ROS1: variants seen among roughly 807,000 people sequenced by gnomAD.
The protein encoded by ROS1 is proto-oncogene tyrosine-protein kinase ROS.
ROS1 carries 263 observed loss-of-function variants against 273.5 expected under a neutral mutation model. The ratio of observed to expected loss-of-function variants is 0.96; its 90% confidence interval spans 0.87 to 1.06. ROS1 has a LOEUF of 1.06. ROS1 is among the 50% of genes least tolerant of loss of function. The pLI is 0.00. For synonymous variants in ROS1, 1,008 were observed against 954.1 expected (o/e 1.06, Z -1.04); for missense variants, 2,833 against 2,751.1 (o/e 1.03, Z -0.67).
rs776060632 is a variant in ROS1, at chr6:117,311,060, T to C, written c.6175A>G (p.Lys2059Glu). ...DLVDLCVDIS[K>E]GCVYLERMHF... ...ATCCGTTCCAAGTAGACACAGCCTT[T>C]TGAAATATCTACACACAGGTCTACA... is the stretch of plus-strand genomic sequence containing the variant. Residue 2059 changes from lysine to glutamate, a missense_variant, in exon 40 of 44, where the codon AAA becomes GAA. By Grantham distance (56) the Lys-to-Glu change is moderately conservative. Transcript: ENST00000368507. 1 of 1,610,854 alleles carries C rather than the reference T, an allele frequency of 6.2e-7. No homozygotes were observed. The highest frequency in any genetic ancestry group is 8.5e-7 in the Non-Finnish European group (1 of 1,178,448).
At chr6:117,333,147 A>G (rs1777215206) in intron 32 of ROS1, among the ~76,000 whole-genome samples, 1 of 151,774 alleles carries the variant, frequency 6.6e-6, no homozygotes, top group African/African-American at 2.4e-5. Context: ...AATAGACACA[A>G]AAAAAATGAT....
At chr6:117,317,017 A>G in intron 39 of ROS1, 126 bp downstream of exon 39, 1 of 1,026,772 alleles carries the variant, frequency 9.7e-7, no homozygotes, top group Non-Finnish European at 1.4e-6. Context: ...AAGGAAACAG[A>G]ATAATTCTTT....
intron 10 of ROS1, 77 bp downstream of exon 10, chr6:117,394,539 T>C: frequency 7.9e-7 from 1 of 1,258,874 alleles, no homozygotes; most frequent in East Asian, 2.6e-5. Context: ...TATTCAAAAA[T>C]TTTCTTTTAT....
At chr6:117,396,651 A>G (rs2128716136) in intron 8 of ROS1, among the ~76,000 whole-genome samples, 1 of 152,324 alleles carries the variant, frequency 6.6e-6, no homozygotes, top group Admixed American at 6.5e-5. Context: ...TTTGACATTC[A>G]TGGTGTTTAC....
chr6:117,311,549 G>A (rs1775550081), intron 39 of ROS1, among the ~76,000 whole-genome samples: 1 of 152,092 alleles, frequency 6.6e-6, no homozygotes, highest in Non-Finnish European at 1.5e-5. Context: ...TCGATAACAG[G>A]CACTTAATAA....
intron 37 of ROS1, among the ~76,000 whole-genome samples, chr6:117,318,913 C>A (rs1055972539): frequency 6.6e-6 from 1 of 152,102 alleles, no homozygotes; most frequent in Non-Finnish European, 1.5e-5. Context: ...GAGATACTGG[C>A]TCTGACCTGA....
chr6:117,310,216 A>G lies in ROS1; in HGVS notation c.6281T>C (p.Ile2094Thr), dbSNP rs1775432981. The change falls in exon 41 of 44, where the codon ATT becomes ACT. Residue 2094 changes from isoleucine (I) to threonine (T), a missense_variant. Transcript: ENST00000368507. Reference sequence around the variant, plus strand: ...GTCTCTGGCGAGTCCAAAGTCTCCAATCTTCACTATCCGTGGACTGGTATA... The same window carrying G: ...GTCTCTGGCGAGTCCAAAGTCTCCAGTCTTCACTATCCGTGGACTGGTATA... ...KDYTSPRIVK[I>T]GDFGLARDIY... The G allele has an allele frequency of 2.5e-6, 4 of 1,613,340 alleles. No individual in the cohort carries two copies. The highest frequency in any genetic ancestry group is 1.1e-5 in the South Asian group (1 of 91,072).
intron 39 of ROS1, among the ~76,000 whole-genome samples, chr6:117,314,923 G>A (rs1441473896): frequency 1.3e-5 from 2 of 152,206 alleles, no homozygotes; most frequent in South Asian, 4.1e-4. Context: ...TATGAAACCA[G>A]CCAAGAATAC....
At chr6:117,326,089 GATTATATATATATAT>G (rs1204987204) in intron 34 of ROS1, 120 bp downstream of exon 34, 61 of 166,706 alleles carry the variant, frequency 3.7e-4, no homozygotes, top group Admixed American at 6.7e-4. Flanking sequence ...TGGATAATAA[GATTATATATATATAT>G]ATATATATAT....
intron 5 of ROS1, among the ~76,000 whole-genome samples, chr6:117,404,807 G>A (rs1774267656): frequency 6.6e-6 from 1 of 152,160 alleles, no homozygotes. Flanking sequence ...ATTATCCTGG[G>A]ATGTGTACCC....
rs758152077 is a variant in ROS1, at chr6:117,389,500, T to C, written c.1636A>G (p.Ile546Val). ...AAGTTACCAAACCCAAATTCTTCTA[T>C]GTGACTCAGGTCACATCCCACGATG... ...EFIVGCDLSH[I>V]EEFGFGNLVI... The change falls in exon 13 of 44, where the codon ATA becomes GTA. Residue 546 changes from isoleucine (I) to valine (V), a missense_variant. Ile to Val is a conservative substitution (Grantham distance 29). Transcript: ENST00000368507. 1.7e-5 allele frequency: 27 copies of C among 1,614,206 alleles called. No homozygotes were observed. The highest frequency in any genetic ancestry group is 2.1e-5 in the Non-Finnish European group (25 of 1,180,030).
intron 27 of ROS1, among the ~76,000 whole-genome samples, chr6:117,348,001 C>G (rs987287550): frequency 6.6e-6 from 1 of 151,982 alleles, no homozygotes; most frequent in African/African-American, 2.4e-5. Context: ...GCAATTCTTG[C>G]AATATTCAAG....
At chr6:117,377,762 A>G (rs1350314631) in intron 18 of ROS1, among the ~76,000 whole-genome samples, 1 of 152,218 alleles carries the variant, frequency 6.6e-6, no homozygotes. Flanking sequence ...AAATAAGCAG[A>G]TAAACTAAAC....
intron 36 of ROS1, 24 bp downstream of exon 36, chr6:117,321,235 A>T: frequency 6.2e-7 from 1 of 1,607,130 alleles, no homozygotes; most frequent in South Asian, 1.1e-5. Flanking sequence ...TAGGTGCTCC[A>T]TAATGATGGC....
Position 117,356,688 on chromosome 6 carries a change from C to T in ROS1, c.4067G>A (p.Trp1356Ter). ...LIYFAKAQEI[W>*]AMDLEGCQCW... ...CTGACAGCCTTCCAGATCCATTGCC[C>T]AGATCTCTTGTGCTTTGGCAAAGTA... Residue 1356 changes from tryptophan to a stop codon, truncating the protein, a stop_gained, in exon 26 of 44, where the codon TGG (tryptophan) becomes TAG (stop). Coordinates refer to ENST00000368507, the MANE Select transcript of ROS1 (RefSeq NM_001378902.1). LOFTEE classifies it high-confidence loss of function. The T allele has an allele frequency of 6.2e-7, 1 of 1,614,138 alleles. No homozygotes were observed. Among genetic ancestry groups the T allele is most frequent in the Non-Finnish European group, 8.5e-7 (1 of 1,180,008 alleles).
intron 43 of ROS1, among the ~76,000 whole-genome samples, chr6:117,297,443 G>C (rs534830301): frequency 2.2e-4 from 34 of 152,254 alleles, no homozygotes; most frequent in Middle Eastern, 3.4e-3. Context: ...TGCAGAATGG[G>C]AGAAAATATT....
intron 31 of ROS1, among the ~76,000 whole-genome samples, chr6:117,338,076 A>G (rs1777607125): frequency 6.6e-6 from 1 of 152,124 alleles, no homozygotes; most frequent in Admixed American, 6.6e-5. Context: ...GATCCTTAGT[A>G]TCATTATTTG....
chr6:117,363,953 T>C (rs1177578626), intron 21 of ROS1, among the ~76,000 whole-genome samples: 3 of 152,212 alleles, frequency 2.0e-5, no homozygotes, highest in Non-Finnish European at 4.4e-5. Flanking sequence ...TCAATTTGGA[T>C]AATTTCCTGG....
At chr6:117,372,224 A>G (rs1259871097) in intron 18 of ROS1, among the ~76,000 whole-genome samples, 1 of 152,180 alleles carries the variant, frequency 6.6e-6, no homozygotes, top group Non-Finnish European at 1.5e-5. Context: ...CCTGTTCAAC[A>G]TAGTACTGGA....
Sources: gnomAD v4.1 joint callset for allele counts (sites outside exome capture counted in the v4.1 genomes callset) on GRCh38, gnomAD v4.1.1 for gene constraint, MANE v1.5 for transcripts, NCBI Gene and HGNC (gene_info 2026-07-23, HGNC 2026-07-21) for gene names.